The following TBC1D19 variants were observed in gnomAD, a reference collection of about 807,000 sequenced individuals.
TBC1D19 encodes the protein TBC1 domain family member 19, also known as TBC1 domain family, member 19.
Under a neutral mutation model 89.0 loss-of-function variants are expected in TBC1D19, and 60 were observed. That is an observed-to-expected ratio of 0.67 (90% confidence interval 0.55 to 0.84). The LOEUF is 0.84. TBC1D19 is among the 40% of genes least tolerant of loss of function. The pLI, the probability that TBC1D19 is intolerant of heterozygous loss-of-function variation, is 0.00. For missense variants in TBC1D19, 500 were observed against 610.8 expected, an observed-to-expected ratio of 0.82 and a Z score of 1.91; for synonymous variants, 189 against 199.7, an observed-to-expected ratio of 0.95 and a Z score of 0.45.
intron 9 of TBC1D19, among the ~76,000 whole-genome samples, chr4:26,668,494 T>C (rs192357019): frequency 6.6e-6 from 1 of 152,018 alleles, no homozygotes; most frequent in Non-Finnish European, 1.5e-5. Flanking sequence ...AATCTCTGCT[T>C]TTAGGGGAAA....
At chr4:26,712,537 C>T (rs1436033961) in intron 13 of TBC1D19, among the ~76,000 whole-genome samples, 1 of 152,058 alleles carries the variant, frequency 6.6e-6, no homozygotes, top group Non-Finnish European at 1.5e-5. Flanking sequence ...ATAATCTCCC[C>T]ATTTAAAAAT....
At chr4:26,846,724 G>A in the TBC1D19 span, among the ~76,000 whole-genome samples, 3 of 152,164 alleles carry the variant, frequency 2.0e-5, no homozygotes. Flanking sequence ...GATATATGGT[G>A]TAAGATGATC....
chr4:26,802,953 C>A, the TBC1D19 span, among the ~76,000 whole-genome samples: 1 of 152,176 alleles, frequency 6.6e-6, no homozygotes, highest in African/African-American at 2.4e-5. Context: ...TATCCTCATG[C>A]GGTGGAGGCA....
intron 1 of TBC1D19, among the ~76,000 whole-genome samples, chr4:26,586,081 T>A (rs1027156993): frequency 6.6e-6 from 1 of 152,132 alleles, no homozygotes. Flanking sequence ...TAGTTTTAGC[T>A]TCTACATTTA....
chr4:26,656,649 C>A (rs1257623074), intron 7 of TBC1D19, among the ~76,000 whole-genome samples: 2 of 151,982 alleles, frequency 1.3e-5, no homozygotes, highest in East Asian at 3.9e-4. Flanking sequence ...ACCTCCCCCT[C>A]CCGGGTTAAA....
chr4:26,806,322 C>T, the TBC1D19 span, among the ~76,000 whole-genome samples: 5 of 152,310 alleles, frequency 3.3e-5, no homozygotes, highest in East Asian at 9.6e-4. Flanking sequence ...TACTCATCCT[C>T]CCTGGAACTC....
At chr4:26,648,313 CA>C (rs1296762217) in intron 7 of TBC1D19, among the ~76,000 whole-genome samples, 1 of 152,170 alleles carries the variant, frequency 6.6e-6, no homozygotes, top group Non-Finnish European at 1.5e-5. Flanking sequence ...AGATGCAAAC[CA>C]CCAATCTACA....
At chr4:26,777,120 G>C in the TBC1D19 span, among the ~76,000 whole-genome samples, 7 of 148,798 alleles carry the variant, frequency 4.7e-5, no homozygotes, top group African/African-American at 1.7e-4. Context: ...GCTCTATTAG[G>C]CATCTCTCTC....
At chr4:26,750,899 T>C (rs1718915484) in intron 19 of TBC1D19, among the ~76,000 whole-genome samples, 1 of 152,260 alleles carries the variant, frequency 6.6e-6, no homozygotes, top group African/African-American at 2.4e-5. Context: ...GGTTACTATG[T>C]AGTCTTGAGA....
intron 1 of TBC1D19, among the ~76,000 whole-genome samples, chr4:26,586,663 C>G (rs1739436120): frequency 6.6e-6 from 1 of 152,104 alleles, no homozygotes; most frequent in Non-Finnish European, 1.5e-5. Flanking sequence ...AGTTTCAGCA[C>G]ACAAATATTG....
At chr4:26,826,775 G>A in the TBC1D19 span, among the ~76,000 whole-genome samples, 2 of 152,238 alleles carry the variant, frequency 1.3e-5, no homozygotes, top group African/African-American at 4.8e-5. Flanking sequence ...CTGCCCCGGT[G>A]GCGGGTGGAT....
intron 11 of TBC1D19, among the ~76,000 whole-genome samples, chr4:26,681,869 A>C (rs756770841): frequency 5.9e-5 from 9 of 152,240 alleles, no homozygotes; most frequent in Non-Finnish European, 1.0e-4. Flanking sequence ...TTTCATATTG[A>C]AAAACAACAA....
chr4:26,598,313 A>G (rs1740361905), intron 1 of TBC1D19, among the ~76,000 whole-genome samples: 1 of 152,236 alleles, frequency 6.6e-6, no homozygotes, highest in Non-Finnish European at 1.5e-5. Flanking sequence ...AGGATCCGGC[A>G]GTACCTTGTA....
the TBC1D19 span, among the ~76,000 whole-genome samples, chr4:26,822,353 C>T: frequency 6.6e-6 from 1 of 152,206 alleles, no homozygotes; most frequent in Admixed American, 6.5e-5. Context: ...CCAGAGCAGG[C>T]CTGAATCATT....
intron 12 of TBC1D19, among the ~76,000 whole-genome samples, chr4:26,686,991 G>C (rs900365181): frequency 5.3e-5 from 8 of 152,056 alleles, no homozygotes; most frequent in African/African-American, 1.4e-4. Flanking sequence ...TAGACTGCTC[G>C]ATGGTAAACA....
intron 9 of TBC1D19, 62 bp from the exon 10 acceptor site, chr4:26,672,084 ATGT>A (rs1485837350): frequency 1.3e-6 from 1 of 766,558 alleles, no homozygotes; most frequent in African/African-American, 1.8e-5. Flanking sequence ...AATGTATCTA[ATGT>A]TGTTCTAAAT....
downstream of TBC1D19, among the ~76,000 whole-genome samples, chr4:26,756,440 C>A (rs1312892502): frequency 1.3e-5 from 2 of 151,972 alleles, no homozygotes; most frequent in African/African-American, 4.8e-5. Flanking sequence ...AAAGAGGCAA[C>A]GTAATAGTCT....
intron 7 of TBC1D19, among the ~76,000 whole-genome samples, chr4:26,650,765 G>A (rs567896156): frequency 9.9e-5 from 15 of 152,256 alleles, no homozygotes; most frequent in Admixed American, 1.3e-4. Flanking sequence ...TGCTTTTGGC[G>A]TTTTAGACAT....
intron 1 of TBC1D19, among the ~76,000 whole-genome samples, chr4:26,604,773 C>T (rs1160775776): frequency 6.6e-6 from 1 of 151,636 alleles, no homozygotes; most frequent in East Asian, 2.0e-4. Flanking sequence ...CCTAGCTACT[C>T]GGGAGGCTGA....
Sources: allele counts gnomAD v4.1 joint callset (sites outside exome capture counted in the v4.1 genomes callset), GRCh38; gene constraint gnomAD v4.1.1; transcripts MANE v1.5; gene names NCBI Gene and HGNC (gene_info 2026-07-23, HGNC 2026-07-21).